PLEKHA5: variants seen among roughly 807,000 people sequenced by gnomAD.
PLEKHA5 encodes pleckstrin homology domain-containing family A member 5.
Under a neutral mutation model 181.9 loss-of-function variants are expected in PLEKHA5, and 55 were observed. The ratio of observed to expected loss-of-function variants is 0.30; its 90% CI spans 0.24 to 0.38. The LOEUF (loss-of-function observed/expected upper bound fraction) is 0.38, where lower values mean the gene tolerates loss of function less well. Among genes scored for constraint, PLEKHA5 ranks in the 10% least tolerant of loss-of-function variants. The pLI, the probability that PLEKHA5 is intolerant of heterozygous loss-of-function variation, is 1.00. For synonymous variants in PLEKHA5, 535 were observed against 529.4 expected, an observed-to-expected ratio of 1.01 and a Z score of -0.15; for missense variants, 1,432 against 1,549.5, an observed-to-expected ratio of 0.92 and a Z score of 1.27.
intron 3 of PLEKHA5, among the ~76,000 whole-genome samples, chr12:19,155,891 G>T (rs746657460): frequency 6.6e-6 from 1 of 152,144 alleles, no homozygotes; most frequent in East Asian, 1.9e-4. Context: ...CTCATCTGTG[G>T]TTGAACATCT....
In PLEKHA5 at chr12:19,154,134, C is replaced by T. The variant is rs188878674; in HGVS notation, c.227+21684C>T. 326 of 152,238 alleles carry T rather than the reference C, an allele frequency of 2.1e-3. 2 individuals carry two copies. Among genetic ancestry groups the T allele is most frequent in the African/African-American group, 7.4e-3 (308 of 41,554 alleles). 9.4% of individuals were successfully genotyped at this position (152,238 alleles called of 1,614,324 possible). A position where few individuals can be genotyped will look rare whatever the true frequency, so the allele number is the denominator to read the frequency against. ...TTTATCATGAGGGGACCTCCACCTC[C>T]GGTAGTACTTGTGCCTTTATCTGTT... On this transcript the variant is annotated intron_variant, in intron 3 of 31. Coordinates refer to ENST00000429027, the MANE Select transcript of PLEKHA5 (RefSeq NM_001256470.2).
At chr12:19,272,062 C>T (rs1251296219) in intron 10 of PLEKHA5, among the ~76,000 whole-genome samples, 1 of 152,106 alleles carries the variant, frequency 6.6e-6, no homozygotes, top group Non-Finnish European at 1.5e-5. Flanking sequence ...ATACAACATC[C>T]AGTTTTTAAC....
At chr12:19,306,688 C>G (rs1565595654) in intron 15 of PLEKHA5, 1 of 1,471,418 alleles carries the variant, frequency 6.8e-7, no homozygotes, top group Non-Finnish European at 9.5e-7. Context: ...TGAGCAGATG[C>G]GGACTCTCTT....
intron 20 of PLEKHA5, 63 bp downstream of exon 20, chr12:19,322,730 CTT>C: frequency 8.7e-7 from 1 of 1,150,640 alleles, no homozygotes; most frequent in Non-Finnish European, 1.3e-6. Context: ...ATTTTCTTCT[CTT>C]TTTTTTAATA....
At chr12:19,225,895 A>C (rs1260116116) in intron 3 of PLEKHA5, among the ~76,000 whole-genome samples, 1 of 152,206 alleles carries the variant, frequency 6.6e-6, no homozygotes, top group Non-Finnish European at 1.5e-5. Flanking sequence ...AAATTGTAGA[A>C]AATTGTGCGA....
intron 15 of PLEKHA5, among the ~76,000 whole-genome samples, chr12:19,298,358 C>A (rs1329576246): frequency 1.4e-5 from 2 of 144,732 alleles, no homozygotes; most frequent in Non-Finnish European, 3.0e-5. Flanking sequence ...AGTGCTCTTA[C>A]ATTATTATCA....
chr12:19,308,053 C>T (rs1254127107), intron 15 of PLEKHA5, among the ~76,000 whole-genome samples: 2 of 151,904 alleles, frequency 1.3e-5, no homozygotes, highest in African/African-American at 4.8e-5. Flanking sequence ...GTAAAAGTTA[C>T]ACGGGTTTAT....
intron 31 of PLEKHA5, among the ~76,000 whole-genome samples, chr12:19,374,119 A>T (rs1422440694): frequency 6.6e-6 from 1 of 152,198 alleles, no homozygotes; most frequent in Non-Finnish European, 1.5e-5. Context: ...GGCAGGATTT[A>T]GGAAACCTTT....
At chr12:19,264,335 A>G (rs1331465125) in intron 7 of PLEKHA5, among the ~76,000 whole-genome samples, 1 of 151,338 alleles carries the variant, frequency 6.6e-6, no homozygotes, top group Non-Finnish European at 1.5e-5. Flanking sequence ...GCCTCTGTCT[A>G]TTCTGAAGCA....
chr12:19,296,519 C>T (rs534821365), intron 15 of PLEKHA5, among the ~76,000 whole-genome samples: 5 of 150,992 alleles, frequency 3.3e-5, no homozygotes, highest in Non-Finnish European at 7.4e-5. Flanking sequence ...TGCACTCCAG[C>T]CTGGGTAACA....
chr12:19,214,047 A>T (rs2057473434), intron 3 of PLEKHA5, among the ~76,000 whole-genome samples: 1 of 152,218 alleles, frequency 6.6e-6, no homozygotes, highest in Non-Finnish European at 1.5e-5. Flanking sequence ...TTGTTATTGA[A>T]TGATAAGGTT....
chr12:19,247,669 C>G (rs1466302694), intron 3 of PLEKHA5, among the ~76,000 whole-genome samples: 3 of 151,264 alleles, frequency 2.0e-5, no homozygotes, highest in Non-Finnish European at 4.4e-5. Flanking sequence ...ATGATTAAAA[C>G]TCTGGTAATA....
intron 3 of PLEKHA5, among the ~76,000 whole-genome samples, chr12:19,214,457 T>C (rs374463297): frequency 1.2e-3 from 181 of 152,184 alleles, no homozygotes; most frequent in Middle Eastern, 3.4e-3. Flanking sequence ...AAAAGAGAAA[T>C]TCAACAACAT....
chr12:19,157,093 T>TACACAC (rs1484867794), intron 3 of PLEKHA5, among the ~76,000 whole-genome samples: 10 of 19,610 alleles, frequency 5.1e-4, no homozygotes, highest in African/African-American at 5.7e-4. Context: ...TATCTATATG[T>TACACAC]ACATACACAC....
rs547865493 is a variant in PLEKHA5 at position 19,306,717 on chromosome 12, C to G, written c.2038-8097C>G. ...CTCTCTTCGGTTTCCTAGGCAAGAT[C>G]GACGAACCACACCTCTTCCCGCCGG... On this transcript the variant is annotated intron_variant, in intron 15 of 31. Coordinates refer to ENST00000429027, the MANE Select transcript of PLEKHA5 (RefSeq NM_001256470.2). The G allele has an allele frequency of 4.3e-6, 6 of 1,401,272 alleles. No homozygotes were observed. The East Asian group carries it at 1.4e-4, about 32-fold the overall frequency. 86.8% of individuals were successfully genotyped at this position (1,401,272 alleles called of 1,614,324 possible).
At chr12:19,184,357 T>C (rs2049325355) in intron 3 of PLEKHA5, among the ~76,000 whole-genome samples, 1 of 152,196 alleles carries the variant, frequency 6.6e-6, no homozygotes, top group Non-Finnish European at 1.5e-5. Context: ...AATGAATCCC[T>C]CTGCCCCTTT....
intron 8 of PLEKHA5, 145 bp from the exon 9 acceptor site, chr12:19,269,625 A>T: frequency 2.0e-6 from 1 of 496,532 alleles, no homozygotes. Context: ...TTCTTGATTC[A>T]TTTCCATATC....
chr12:19,194,263 C>T (rs1000248595), intron 3 of PLEKHA5, among the ~76,000 whole-genome samples: 6 of 152,100 alleles, frequency 3.9e-5, no homozygotes, highest in African/African-American at 7.2e-5. Flanking sequence ...CATGTTGCTG[C>T]GAAAGAAATG....
At chr12:19,169,693 T>C (rs1017412737) in intron 3 of PLEKHA5, among the ~76,000 whole-genome samples, 3 of 152,238 alleles carry the variant, frequency 2.0e-5, no homozygotes, top group Admixed American at 6.5e-5. Flanking sequence ...ATTAAGGTCT[T>C]CCTAAACCTT....
Sources: allele counts gnomAD v4.1 joint callset (sites outside exome capture counted in the v4.1 genomes callset), GRCh38; gene constraint gnomAD v4.1.1; transcripts MANE v1.5; gene names NCBI Gene and HGNC (gene_info 2026-07-23, HGNC 2026-07-21).